Variants in PIEZO2 observed in about 807,000 individuals in gnomAD.
PIEZO2 encodes the protein piezo type mechanosensitive ion channel component 2.
PIEZO2 carries 172 observed loss-of-function variants against 337.3 expected under a neutral mutation model. That is an observed-to-expected ratio of 0.51 (90% CI 0.45 to 0.58). The LOEUF (loss-of-function observed/expected upper bound fraction) is 0.58, where lower values mean the gene tolerates loss of function less well. Among genes scored for constraint, PIEZO2 ranks in the 20% least tolerant of loss-of-function variants. PIEZO2 has a pLI of 0.00. For synonymous variants in PIEZO2, 1,251 were observed against 1,228.5 expected (o/e 1.02, Z -0.38); for missense variants, 3,028 against 3,391.3 (o/e 0.89, Z 2.66).
intron 1 of PIEZO2, among the ~76,000 whole-genome samples, chr18:11,145,310 G>A (rs1415774864): frequency 6.6e-6 from 1 of 152,014 alleles, no homozygotes; most frequent in Admixed American, 6.6e-5. Context: ...GCATTGAAGA[G>A]GCCTGAGTTC....
In PIEZO2 at chr18:10,705,762, G is replaced by A. The variant is rs534079357; in HGVS notation, c.5589-16C>T. The A allele has an allele frequency of 8.6e-6, 13 of 1,506,744 alleles. No individual in the cohort carries two copies. The highest frequency in any genetic ancestry group is 4.9e-5 in the East Asian group (2 of 40,586). The allele number at this position is 1,506,744 out of a possible 1,614,324, so 93.3% of individuals were successfully genotyped here. A position where few individuals can be genotyped will look rare whatever the true frequency, so the allele number is the denominator to read the frequency against. The stretch of plus-strand genomic sequence containing the variant: ...CGTGGGCTCGCTGTTGGGAGAAAGC[G>A]TGGGCACAGAGCCCATGTCTTAGCA... On this transcript the variant is annotated splice_polypyrimidine_tract_variant and intron_variant, in intron 40 of 55. Coordinates refer to ENST00000674853, the MANE Select transcript of PIEZO2 (RefSeq NM_001378183.1).
intron 1 of PIEZO2, among the ~76,000 whole-genome samples, chr18:11,081,060 T>C (rs910743147): frequency 2.0e-5 from 3 of 152,324 alleles, no homozygotes; most frequent in Admixed American, 6.5e-5. Flanking sequence ...TAATTTCCAC[T>C]TAGGCATCCA....
chr18:10,718,674 A>G (rs1328911528), intron 36 of PIEZO2, among the ~76,000 whole-genome samples: 4 of 152,204 alleles, frequency 2.6e-5, no homozygotes, highest in Admixed American at 2.6e-4. Context: ...ATAATGGCAG[A>G]TTTGAGTTGC....
chr18:11,127,200 G>A lies in PIEZO2; in HGVS notation c.64+21325C>T, dbSNP rs555919562. On this transcript the variant is annotated intron_variant, in intron 1 of 55. Transcript: ENST00000674853. This position sits in a 1 kb window ranked among gnomAD's most constrained non-coding sequence, Gnocchi z 4.5. ...CCAGGATCAGGTGTTTGAGGGGTGC[G>A]GAAAGAGGTCCCTGAGGAGGTGACA... is the stretch of plus-strand genomic sequence containing the variant. 1.8e-4 allele frequency among the ~76,000 whole-genome samples: 27 copies of A among 152,266 alleles called. No homozygotes were observed. The East Asian group carries it at 3.3e-3, about 19-fold the overall frequency.
chr18:10,980,268 AC>A lies in PIEZO2; in HGVS notation c.161-609del, dbSNP rs199809318. On this transcript the variant is annotated intron_variant, in intron 2 of 55. Coordinates refer to ENST00000674853, the MANE Select transcript of PIEZO2 (RefSeq NM_001378183.1). The surrounding 1 kb of genome is among the most constrained non-coding windows in gnomAD (Gnocchi z 4.8). ...TAACAAATCAATAAGTATAATTCAC[AC>A]ACTAGTGGGTTGCTATCATGGTTTT... 6.8e-3 allele frequency among the ~76,000 whole-genome samples: 1,030 copies of A among 152,300 alleles called. 4 individuals carry two copies. Among genetic ancestry groups the A allele is most frequent in the Non-Finnish European group, 0.01 (681 of 68,014 alleles).
intron 3 of PIEZO2, among the ~76,000 whole-genome samples, chr18:10,920,169 C>T (rs976425519): frequency 1.8e-4 from 28 of 152,156 alleles, no homozygotes; most frequent in African/African-American, 6.8e-4. Context: ...CAGACTCTTG[C>T]TCTTATCAAT....
chr18:11,057,360 G>A (rs911856387), intron 2 of PIEZO2, among the ~76,000 whole-genome samples: 1 of 152,078 alleles, frequency 6.6e-6, no homozygotes, highest in Non-Finnish European at 1.5e-5. Flanking sequence ...TATCTACTGA[G>A]GTAATTACAC....
At chr18:11,045,861 G>A (rs981466462) in intron 2 of PIEZO2, among the ~76,000 whole-genome samples, 3 of 152,168 alleles carry the variant, frequency 2.0e-5, no homozygotes, top group Non-Finnish European at 4.4e-5. Context: ...CTGGCTGAGA[G>A]GGGCTACGTC....
At chr18:10,789,051 G>C in intron 15 of PIEZO2, 28 bp downstream of exon 15, 1 of 1,518,896 alleles carries the variant, frequency 6.6e-7, no homozygotes. Context: ...AGAGATGTGA[G>C]AATTAAAATG....
intron 32 of PIEZO2, 126 bp downstream of exon 32, chr18:10,742,368 G>T: frequency 1.0e-5 from 11 of 1,091,194 alleles, no homozygotes; most frequent in South Asian, 1.7e-5. Flanking sequence ...AATAAAGCTC[G>T]CTGAATCAAA....
At chr18:10,790,602 T>G (rs7230828) in intron 14 of PIEZO2, among the ~76,000 whole-genome samples, 124,759 of 152,148 alleles carry the variant, frequency 0.82, 51,179 homozygotes, top group East Asian at 0.93. Flanking sequence ...TAGCTTCTTG[T>G]TTCCAGTACT....
intron 3 of PIEZO2, among the ~76,000 whole-genome samples, chr18:10,926,129 A>G (rs1296949297): frequency 6.6e-6 from 1 of 152,188 alleles, no homozygotes; most frequent in African/African-American, 2.4e-5. Flanking sequence ...ACTAGTGCCT[A>G]CACGAGTAGA....
chr18:10,674,641 A>G (rs543883730), intron 54 of PIEZO2, among the ~76,000 whole-genome samples: 1 of 152,244 alleles, frequency 6.6e-6, no homozygotes, highest in African/African-American at 2.4e-5. Flanking sequence ...TGTGTGCCAG[A>G]TAACTGCACT....
chr18:10,761,088 G>A lies in PIEZO2; in HGVS notation c.3273C>T (p.Ile1091=). ...GGTAAATGGTGACTTCAAAGGCCAGGATAGCCAGCATCAGGAGGTTATTCT... is the reference window on the plus strand; with the variant it reads ...GGTAAATGGTGACTTCAAAGGCCAGAATAGCCAGCATCAGGAGGTTATTCT... ...YLRNNLLMLA[I]LAFEVTIYRH... is the part of the protein sequence containing the mutation. The change falls in exon 24 of 56, where the codon ATC becomes ATT. Residue 1091 remains isoleucine, a synonymous_variant. Coordinates refer to ENST00000674853, the MANE Select transcript of PIEZO2 (RefSeq NM_001378183.1). The A allele has an allele frequency of 1.3e-6, 2 of 1,537,174 alleles. No homozygotes were observed. Among genetic ancestry groups the A allele is most frequent in the Non-Finnish European group, 1.7e-6 (2 of 1,146,872 alleles).
chr18:11,148,787 G>T lies in PIEZO2; in HGVS notation c.-199C>A. 1 of 535,262 alleles carries T rather than the reference G, an allele frequency of 1.9e-6. No individual in the cohort carries two copies. The allele number at this position is 535,262 out of a possible 1,614,324, so 33.2% of individuals were successfully genotyped here. ...CTCTTGGCCGCCCCTCGCCCACCGG[G>T]CTCTGGGTAGCCCCTCACCAGGCTC... On this transcript the variant is annotated 5_prime_UTR_variant, in exon 1 of 56. Transcript: ENST00000674853. The surrounding 1 kb of genome is among the most constrained non-coding windows in gnomAD (Gnocchi z 5.2).
chr18:10,791,999 T>G (rs1568062743), intron 13 of PIEZO2, among the ~76,000 whole-genome samples: 3 of 152,030 alleles, frequency 2.0e-5, no homozygotes. Context: ...CAGGCTGGAG[T>G]GTAATGGAAT....
chr18:10,821,868 A>G lies in PIEZO2; in HGVS notation c.918-14594T>C, dbSNP rs989639139. On this transcript the variant is annotated intron_variant, in intron 7 of 55. Transcript: ENST00000674853. The surrounding 1 kb of genome is among the most constrained non-coding windows in gnomAD (Gnocchi z 4.2). ...TGTTCTCTTTTTACTTTCTTTTTAT[A>G]TTGTTTGTAAATTTAAACGTGATTA... Among the ~76,000 whole-genome samples, 3 of 152,168 alleles carry G rather than the reference A, an allele frequency of 2.0e-5. No individual in the cohort carries two copies. Among genetic ancestry groups the G allele is most frequent in the African/African-American group, 7.2e-5 (3 of 41,420 alleles).
In PIEZO2 at chr18:11,070,119, G is replaced by C. The variant is rs1361548010; in HGVS notation, c.65-3897C>G. ...GGAACTGTGTGCTTACATAAACAAAGATGGTATGCCCTACTGCACACCTAG... is the reference window on the plus strand; with the variant it reads ...GGAACTGTGTGCTTACATAAACAAACATGGTATGCCCTACTGCACACCTAG... On this transcript the variant is annotated intron_variant, in intron 1 of 55. Coordinates refer to ENST00000674853, the MANE Select transcript of PIEZO2 (RefSeq NM_001378183.1). The surrounding 1 kb of genome is among the most constrained non-coding windows in gnomAD (Gnocchi z 4.3). Among the ~76,000 whole-genome samples, 1 of 152,186 alleles carries C rather than the reference G, an allele frequency of 6.6e-6. No individual in the cohort carries two copies. The highest frequency in any genetic ancestry group is 2.4e-5 in the African/African-American group (1 of 41,438).
chr18:11,094,942 G>A lies in PIEZO2; in HGVS notation c.65-28720C>T, dbSNP rs368105689. On this transcript the variant is annotated intron_variant, in intron 1 of 55. Transcript: ENST00000674853. The surrounding 1 kb of genome is among the most constrained non-coding windows in gnomAD (Gnocchi z 4.4). ...CTTCCTACAGCTCCAAAAGCCACCCGCTGGAAGGGGGCCCCAGGGCCATTT... is the reference window on the plus strand; with the variant it reads ...CTTCCTACAGCTCCAAAAGCCACCCACTGGAAGGGGGCCCCAGGGCCATTT... Among the ~76,000 whole-genome samples, 38 of 152,294 alleles carry A rather than the reference G, an allele frequency of 2.5e-4. No homozygotes were observed. The highest frequency in any genetic ancestry group is 1.2e-3 in the East Asian group (6 of 5,166).
Sources: gnomAD v4.1 joint callset for allele counts (sites outside exome capture counted in the v4.1 genomes callset) on GRCh38, gnomAD v4.1.1 for gene constraint, Gnocchi (gnomAD v3.1) non-coding constraint, MANE v1.5 for transcripts, NCBI Gene and HGNC (gene_info 2026-07-23, HGNC 2026-07-21) for gene names.